Variants in RANBP1 observed in about 807,000 individuals in gnomAD.
RANBP1 encodes the protein ran-specific GTPase-activating protein.
In RANBP1, 16 loss-of-function variants were observed where a neutral mutation model predicts 31.4. That is an observed-to-expected ratio of 0.51 (90% CI 0.34 to 0.77). The LOEUF is 0.77. RANBP1 is among the 30% of genes least tolerant of loss of function. The pLI is 0.01. For missense variants in RANBP1, 265 were observed against 362.0 expected, an observed-to-expected ratio of 0.73 and a Z score of 2.17; for synonymous variants, 129 against 140.5, an observed-to-expected ratio of 0.92 and a Z score of 0.58.
rs754710002 is a variant in RANBP1, at chr22:20,119,117, A to G, written c.351A>G (p.Thr117=). 6.2e-7 allele frequency: 1 copy of G among 1,612,840 alleles called. No homozygotes were observed. Among genetic ancestry groups the G allele is most frequent in the Non-Finnish European group, 8.5e-7 (1 of 1,179,026 alleles). Residue 117 remains threonine, a synonymous_variant, in exon 2 of 6, where the codon ACA becomes ACG. Transcript: ENST00000430524. ...IVSLPEQEIK[T]LEEDEEELFK... ...CTCTTCCTGAGCAAGAAATTAAAAC[A>G]CTGGAAGAAGATGAAGAGGAACTTT...
intron 1 of RANBP1, among the ~76,000 whole-genome samples, chr22:20,118,598 C>T (rs914279473): frequency 2.6e-5 from 4 of 152,222 alleles, no homozygotes; most frequent in African/African-American, 7.2e-5. Context: ...AAATCTATTT[C>T]GACCCATCAT....
chr22:20,116,745 C>G lies in RANBP1; in HGVS notation c.246+315C>G, dbSNP rs114221480. 5,835 of 1,409,604 alleles carry G rather than the reference C, an allele frequency of 4.1e-3. 212 individuals are homozygous for G. In the African/African-American group the frequency reaches 0.073, roughly 18 times the overall value. The allele number at this position is 1,409,604 out of a possible 1,614,324, so 87.3% of individuals were successfully genotyped here. A position where few individuals can be genotyped will look rare whatever the true frequency, so the allele number is the denominator to read the frequency against. On this transcript the variant is annotated intron_variant, in intron 1 of 5. Coordinates refer to ENST00000430524, the MANE Select transcript of RANBP1 (RefSeq NM_001278639.2). ...AGCCCTGCCCCTCCCCCAGTCTACC[C>G]TCCCGACCCCATTCCCGTCTCCTTT... is the stretch of plus-strand genomic sequence containing the variant.
In RANBP1 at chr22:20,116,171, G is replaced by A. The variant is rs1350619332; in HGVS notation, c.-14G>A. 2.5e-6 allele frequency: 4 copies of A among 1,613,058 alleles called. No homozygotes were observed. Among genetic ancestry groups the A allele is most frequent in the South Asian group, 2.2e-5 (2 of 91,074 alleles). ...GGTGGCTCACTCTCACCCTCCTGTC[G>A]CCTCCTCCTGGCCATGGGGTCGGCC... On this transcript the variant is annotated 5_prime_UTR_variant, in exon 1 of 6. Transcript: ENST00000430524.
intron 2 of RANBP1, 56 bp downstream of exon 2, chr22:20,119,205 T>C (rs954373531): frequency 6.5e-7 from 1 of 1,544,986 alleles, no homozygotes; most frequent in Non-Finnish European, 8.9e-7. Context: ...TTACAACTTT[T>C]ATGGGTGTCC....
intron 3 of RANBP1, chr22:20,124,447 AC>A (rs60792781): frequency 0.045 from 6,413 of 141,660 alleles, 177 homozygotes; most frequent in South Asian, 0.1. Flanking sequence ...AGTAGACGAG[AC>A]CCCCCCCCAG....
intron 4 of RANBP1, 86 bp downstream of exon 4, chr22:20,125,522 CT>C (rs1287611591): frequency 6.5e-7 from 1 of 1,546,206 alleles, no homozygotes; most frequent in Non-Finnish European, 8.7e-7. Context: ...ATGCTGTTGC[CT>C]TTTGGGGAGA....
In RANBP1 at chr22:20,116,288, G is replaced by C; in HGVS notation, c.104G>C (p.Arg35Pro). 1 of 1,612,964 alleles carries C rather than the reference G, an allele frequency of 6.2e-7. No homozygotes were observed. The highest frequency in any genetic ancestry group is 8.5e-7 in the Non-Finnish European group (1 of 1,180,028). The change falls in exon 1 of 6, where the codon CGG becomes CCG. Residue 35 changes from arginine to proline, a missense_variant. By Grantham distance (103) the Arg-to-Pro change is moderately radical. Around this residue, in one of 3 missense-constraint regions of RANBP1, gnomAD observed 126 missense variants for 123.6 expected, o/e 1.02. Transcript: ENST00000430524. Reference protein sequence around the residue: ...RRALSLSAALRNVTKAQGGCP... With the variant: ...RRALSLSAALPNVTKAQGGCP... ...GCCTTGTCCCTCTCTGCAGCGCTGC[G>C]GAATGTCACAAAGGCGCAGGGTGGT... is the stretch of plus-strand genomic sequence containing the variant.
intron 2 of RANBP1, among the ~76,000 whole-genome samples, chr22:20,121,354 A>T (rs2050166503): frequency 6.6e-6 from 1 of 151,724 alleles, no homozygotes; most frequent in African/African-American, 2.4e-5. Flanking sequence ...GCTTCAAGGG[A>T]TTCTCCTGCC....
At chr22:20,118,399 A>G in intron 1 of RANBP1, 4 of 956,788 alleles carry the variant, frequency 4.2e-6, no homozygotes, top group Non-Finnish European at 5.1e-6. Flanking sequence ...CATGACTTTC[A>G]CCGGTACAAT....
rs2050013831 is a variant in RANBP1, at chr22:20,116,246, C to T, written c.62C>T (p.Pro21Leu). Residue 21 changes from proline (P) to leucine (L), a missense_variant, in exon 1 of 6, where the codon CCA becomes CTA. Transcript: ENST00000430524. ...AGTGGGCGGCCTTTCCAGAGGGCAC[C>T]ATGCAAAACGCGCAGGGCCTTGTCC... The part of the protein sequence containing the change: ...TLSGRPFQRA[P>L]CKTRRALSLS... 2 of 1,612,862 alleles carry T rather than the reference C, an allele frequency of 1.2e-6. No individual in the cohort carries two copies. The highest frequency in any genetic ancestry group is 2.7e-5 in the African/African-American group (2 of 74,962).
chr22:20,125,286 T>C, intron 3 of RANBP1, 22 bp from the exon 4 acceptor site: 3 of 1,611,362 alleles, frequency 1.9e-6, no homozygotes, highest in Non-Finnish European at 2.5e-6. Context: ...CTCACCATCT[T>C]CACGAGCTTC....
At chr22:20,122,857 AGG>A (rs1392019740) in intron 3 of RANBP1, among the ~76,000 whole-genome samples, 2 of 62,314 alleles carry the variant, frequency 3.2e-5, no homozygotes, top group Non-Finnish European at 6.2e-5. Flanking sequence ...GGTGGTGTAT[AGG>A]GGTGTGTGGT....
intron 1 of RANBP1, chr22:20,117,331 G>T (rs952415312): frequency 1.8e-6 from 2 of 1,141,466 alleles, no homozygotes; most frequent in Middle Eastern, 3.4e-4. Flanking sequence ...GCGCGCGGGT[G>T]TCGCCGGGAG....
chr22:20,119,151 T>C lies in RANBP1; in HGVS notation c.383+2T>C. The C allele has an allele frequency of 6.2e-7, 1 of 1,611,938 alleles. No individual in the cohort carries two copies. The highest frequency in any genetic ancestry group is 8.5e-7 in the Non-Finnish European group (1 of 1,178,252). ...AGATGAAGAGGAACTTTTTAAAATG[T>C]AAGTAGGCTGATGTCCCAGAAATAG... On this transcript the variant is annotated splice_donor_variant, in intron 2 of 5. Coordinates refer to ENST00000430524, the MANE Select transcript of RANBP1 (RefSeq NM_001278639.2). LOFTEE classifies it high-confidence loss of function.
chr22:20,116,656 GGGGGCCT>G, intron 1 of RANBP1: 1 of 1,509,608 alleles, frequency 6.6e-7, no homozygotes, highest in Non-Finnish European at 8.8e-7. Flanking sequence ...ACTAGGCCCT[GGGGGCCT>G]GGCCCCCCAA....
intron 1 of RANBP1, chr22:20,118,066 G>A: frequency 1.0e-6 from 1 of 996,840 alleles, no homozygotes; most frequent in Non-Finnish European, 1.2e-6. Context: ...TCATTCATTC[G>A]GTTCTTACGT....
In RANBP1 at chr22:20,122,252, C is replaced by T. The variant is rs767492059; in HGVS notation, c.384-12C>T. ...CAGGTCTGCACTCTTAACCTCACGGCTTTTCTTGCAGGCGGGCAAAACTGT... is the reference window on the plus strand; with the variant it reads ...CAGGTCTGCACTCTTAACCTCACGGTTTTTCTTGCAGGCGGGCAAAACTGT... On this transcript the variant is annotated splice_polypyrimidine_tract_variant and intron_variant, in intron 2 of 5. Transcript: ENST00000430524. The T allele has an allele frequency of 8.1e-6, 13 of 1,611,862 alleles. No individual in the cohort carries two copies. Among genetic ancestry groups the T allele is most frequent in the Middle Eastern group, 1.7e-4 (1 of 6,028 alleles).
Position 20,126,952 on chromosome 22 carries a change from C to G in RANBP1, c.737C>G (p.Ala246Gly), listed in dbSNP as rs1241939206. 6.2e-7 allele frequency: 1 copy of G among 1,612,222 alleles called. No individual in the cohort carries two copies. The highest frequency in any genetic ancestry group is 8.5e-7 in the Non-Finnish European group (1 of 1,179,276). ...CTCACTGTGCTGCTTGTGTTTTTAG[C>G]AGGATCAGGCAAAAATGATCATGCC... Reference protein sequence around the residue: ...RKEIEEREKKAGSGKNDHAEK... With the variant: ...RKEIEEREKKGGSGKNDHAEK... Residue 246 changes from alanine to glycine, a missense_variant and splice_region_variant, in exon 6 of 6, where the codon GCA (alanine) becomes GGA (glycine). Coordinates refer to ENST00000430524, the MANE Select transcript of RANBP1 (RefSeq NM_001278639.2).
At chr22:20,117,251 C>T (rs1331344596) in intron 1 of RANBP1, 4 of 551,158 alleles carry the variant, frequency 7.3e-6, no homozygotes, top group African/African-American at 2.0e-5. Context: ...GCAACGTCAT[C>T]GTCACGCGCC....
Sources: gnomAD v4.1 joint callset for allele counts (sites outside exome capture counted in the v4.1 genomes callset) on GRCh38, gnomAD v4.1.1 for gene constraint, gnomAD v4.1.1 regional missense constraint, MANE v1.5 for transcripts, NCBI Gene and HGNC (gene_info 2026-07-23, HGNC 2026-07-21) for gene names.